Variants in SWT1 observed in about 807,000 individuals in gnomAD.
The protein encoded by SWT1 is transcriptional protein SWT1.
SWT1 carries 33 observed loss-of-function variants against 107.3 expected under a neutral mutation model. The ratio of observed to expected loss-of-function variants is 0.31; its 90% CI spans 0.23 to 0.41. SWT1 has a LOEUF of 0.41. Ranked by LOEUF, SWT1 falls within the 10% of genes least tolerant of loss-of-function variation. SWT1 has a pLI of 1.00. For missense variants in SWT1, 898 were observed against 1,028.9 expected (o/e 0.87, Z 1.74); for synonymous variants, 345 against 348.3 (o/e 0.99, Z 0.11).
At chr1:185,160,203 G>A (rs1206884454) in intron 1 of SWT1, among the ~76,000 whole-genome samples, 1 of 152,122 alleles carries the variant, frequency 6.6e-6, no homozygotes, top group African/African-American at 2.4e-5. Flanking sequence ...TTGAAGTGTG[G>A]GTGGTGAAGA....
chr1:185,267,926 G>A (rs955763651), intron 16 of SWT1, among the ~76,000 whole-genome samples: 1 of 152,108 alleles, frequency 6.6e-6, no homozygotes, highest in South Asian at 2.1e-4. Flanking sequence ...GAATTACTAA[G>A]GCATTTTCTC....
rs1201562862 is a variant in SWT1, at chr1:185,174,955, C to T, written c.808C>T (p.Leu270=). ...GACTAAGCAGGAAGAAAGAGAATAC[C>T]TGGAAAGCTCCCAGGTTTCATTAAA... The part of the protein sequence containing the change: ...SKTKQEEREY[L]ESSQVSLNVT... The change falls in exon 5 of 19, where the codon CTG becomes TTG. Residue 270 remains leucine, a synonymous_variant. Coordinates refer to ENST00000367500, the MANE Select transcript of SWT1 (RefSeq NM_017673.7). 6.2e-7 allele frequency: 1 copy of T among 1,613,640 alleles called. No homozygotes were observed. Among genetic ancestry groups the T allele is most frequent in the Admixed American group, 1.7e-5 (1 of 59,962 alleles).
chr1:185,265,068 A>G (rs1663278184), intron 16 of SWT1, among the ~76,000 whole-genome samples: 1 of 152,188 alleles, frequency 6.6e-6, no homozygotes, highest in African/African-American at 2.4e-5. Context: ...AAAGATTTCT[A>G]GTATTCTGAA....
intron 13 of SWT1, among the ~76,000 whole-genome samples, chr1:185,208,026 C>G (rs1335300418): frequency 6.6e-6 from 1 of 152,082 alleles, no homozygotes; most frequent in Non-Finnish European, 1.5e-5. Flanking sequence ...TTAATTATAT[C>G]CAGCGTACTT....
At chr1:185,261,949 G>T (rs1006697287) in intron 16 of SWT1, among the ~76,000 whole-genome samples, 2 of 152,180 alleles carry the variant, frequency 1.3e-5, no homozygotes, top group Non-Finnish European at 2.9e-5. Context: ...TAATAGGCTT[G>T]TGTCTCAGCC....
At chr1:185,231,796 G>A in intron 16 of SWT1, 88 bp downstream of exon 16, 1 of 1,020,108 alleles carries the variant, frequency 9.8e-7, no homozygotes, top group Non-Finnish European at 1.5e-6. Context: ...GTTGCTAGGA[G>A]TCACATAGAA....
chr1:185,269,177 C>G (rs2102723855), intron 16 of SWT1, among the ~76,000 whole-genome samples: 1 of 152,216 alleles, frequency 6.6e-6, no homozygotes, highest in African/African-American at 2.4e-5. Flanking sequence ...ACTTGGTTAC[C>G]AAGTTAGAAC....
At chr1:185,189,904 A>T (rs1656805255) in intron 9 of SWT1, among the ~76,000 whole-genome samples, 1 of 150,540 alleles carries the variant, frequency 6.6e-6, no homozygotes, top group South Asian at 2.1e-4. Flanking sequence ...CCTGGAGTGC[A>T]GTGGCGGGAT....
At chr1:185,217,807 G>T (rs950467509) in intron 14 of SWT1, among the ~76,000 whole-genome samples, 1 of 152,158 alleles carries the variant, frequency 6.6e-6, no homozygotes, top group African/African-American at 2.4e-5. Context: ...TGTTGGCCAG[G>T]CTGGTCTGGA....
At chr1:185,245,346 G>A (rs371606737) in intron 16 of SWT1, among the ~76,000 whole-genome samples, 4 of 152,036 alleles carry the variant, frequency 2.6e-5, no homozygotes, top group East Asian at 1.9e-4. Context: ...GTCTTCCACC[G>A]CCATGTCTTG....
chr1:185,164,173 C>CTT (rs573365086), intron 2 of SWT1, among the ~76,000 whole-genome samples: 6 of 143,534 alleles, frequency 4.2e-5, no homozygotes, highest in Non-Finnish European at 6.2e-5. Flanking sequence ...TGAAAGGAAT[C>CTT]TTTTTTTTTT....
In SWT1 at chr1:185,256,420, A is replaced by G. The variant is rs1295926139; in HGVS notation, c.2442-14903A>G. Among the ~76,000 whole-genome samples, 38 of 151,412 alleles carry G rather than the reference A, an allele frequency of 2.5e-4. 1 individual carries two copies. Among genetic ancestry groups the G allele is most frequent in the Non-Finnish European group, 4.3e-4 (29 of 67,772 alleles). ...CTCCCCATCACTTTCAGGTACACCA[A>G]TCAGACGTAGATTTGGTCTTTTCAC... On this transcript the variant is annotated intron_variant, in intron 16 of 18. Transcript: ENST00000367500.
At chr1:185,197,852 G>C (rs1235396497) in intron 10 of SWT1, among the ~76,000 whole-genome samples, 1 of 151,868 alleles carries the variant, frequency 6.6e-6, no homozygotes, top group African/African-American at 2.4e-5. Flanking sequence ...TATTAGTCTG[G>C]CTAGCAGTCT....
Position 185,233,920 on chromosome 1 carries a change from A to G in SWT1, c.2441+2212A>G, listed in dbSNP as rs542750613. On this transcript the variant is annotated intron_variant, in intron 16 of 18. Transcript: ENST00000367500. Reference sequence around the variant, plus strand: ...CACCATGCCCAGCTAATTTTTTTGTATTTTTAGTAGAGACCGGGTTTCACC... The same window carrying G: ...CACCATGCCCAGCTAATTTTTTTGTGTTTTTAGTAGAGACCGGGTTTCACC... 2.6e-5 allele frequency among the ~76,000 whole-genome samples: 4 copies of G among 151,894 alleles called. 1 individual carries two copies. In the South Asian group the frequency reaches 6.2e-4, roughly 24 times the overall value.
At chr1:185,253,588 G>GTTA (rs1404565831) in intron 16 of SWT1, among the ~76,000 whole-genome samples, 9 of 149,946 alleles carry the variant, frequency 6.0e-5, no homozygotes, top group African/African-American at 2.0e-4. Context: ...TCTGTTTGTT[G>GTTA]TTGGTGTATA....
intron 16 of SWT1, among the ~76,000 whole-genome samples, chr1:185,259,677 A>C (rs1311192758): frequency 1.3e-5 from 2 of 152,044 alleles, no homozygotes; most frequent in Non-Finnish European, 2.9e-5. Flanking sequence ...ACCTTAAGCT[A>C]AAGTACTCTC....
Position 185,210,631 on chromosome 1 carries a change from C to A in SWT1, c.1972+3868C>A, listed in dbSNP as rs192200076. ...AGATGGAAGCATTCCCTTTGAAAAC[C>A]AGCACAGGACAAGGATGCCCTCTCT... On this transcript the variant is annotated intron_variant, in intron 13 of 18. Transcript: ENST00000367500. Among the ~76,000 whole-genome samples, 179 of 152,194 alleles carry A rather than the reference C, an allele frequency of 1.2e-3. 1 individual carries two copies. The highest frequency in any genetic ancestry group is 4.0e-3 in the African/African-American group (165 of 41,536).
chr1:185,212,116 T>G (rs1658865929), intron 13 of SWT1, among the ~76,000 whole-genome samples: 1 of 151,906 alleles, frequency 6.6e-6, no homozygotes, highest in Non-Finnish European at 1.5e-5. Context: ...AAATGATGAG[T>G]TAGTGGGTGC....
At chr1:185,203,844 C>T (rs948320107) in intron 11 of SWT1, among the ~76,000 whole-genome samples, 2 of 151,938 alleles carry the variant, frequency 1.3e-5, no homozygotes, top group African/African-American at 4.8e-5. Context: ...ATATATACTA[C>T]TTATTTACCC....
Sources: gnomAD v4.1 joint callset for allele counts (sites outside exome capture counted in the v4.1 genomes callset) on GRCh38, gnomAD v4.1.1 for gene constraint, MANE v1.5 for transcripts, NCBI Gene and HGNC (gene_info 2026-07-23, HGNC 2026-07-21) for gene names.